MTNAP1: variants seen among roughly 807,000 people sequenced by gnomAD.
MTNAP1 encodes mitochondrial nucleoid-associated protein 1.
the MTNAP1 span, among the ~76,000 whole-genome samples, chr17:73,246,493 G>A: frequency 6.6e-6 from 1 of 152,214 alleles, no homozygotes; most frequent in East Asian, 1.9e-4. Context: ...CTGAGATTGT[G>A]CCATTGCATT....
the MTNAP1 span, chr17:73,236,151 G>A: frequency 6.2e-7 from 1 of 1,614,090 alleles, no homozygotes; most frequent in Non-Finnish European, 8.5e-7. Context: ...TACTAGATGT[G>A]CCTACTGGTG....
At chr17:73,248,469 T>C in the MTNAP1 span, 252 of 1,550,878 alleles carry the variant, frequency 1.6e-4, 1 homozygote, top group African/African-American at 2.9e-3. Context: ...GGCATTGGAG[T>C]GCCCCGCTAG....
the MTNAP1 span, chr17:73,236,559 G>A: frequency 2.5e-6 from 4 of 1,614,022 alleles, no homozygotes; most frequent in African/African-American, 4.0e-5. Context: ...TCATTCCGAG[G>A]GAGACGACTT....
the MTNAP1 span, chr17:73,236,498 A>T: frequency 6.2e-7 from 1 of 1,614,240 alleles, no homozygotes; most frequent in Admixed American, 1.7e-5. Context: ...AACACCAGGG[A>T]TTCAGTCACA....
chr17:73,247,533 G>T, the MTNAP1 span: 2 of 546,162 alleles, frequency 3.7e-6, no homozygotes, highest in Non-Finnish European at 6.5e-6. Context: ...CATAATCAGG[G>T]TGCTGAAACA....
At chr17:73,244,676 C>G in the MTNAP1 span, 1 of 151,466 alleles carries the variant, frequency 6.6e-6, no homozygotes, top group Non-Finnish European at 1.5e-5. Flanking sequence ...ATTCTGAAGG[C>G]CAGCATAATT....
At chr17:73,248,251 A>G in the MTNAP1 span, 4 of 495,170 alleles carry the variant, frequency 8.1e-6, no homozygotes, top group Non-Finnish European at 1.4e-5. Context: ...GACTCCTCAG[A>G]ACGAATAGTA....
the MTNAP1 span, chr17:73,236,908 G>C: frequency 6.2e-7 from 1 of 1,613,962 alleles, no homozygotes; most frequent in African/African-American, 1.3e-5. Context: ...CCTTGGACTA[G>C]GGGTGTTGCC....
the MTNAP1 span, among the ~76,000 whole-genome samples, chr17:73,242,628 CA>C: frequency 6.6e-6 from 1 of 152,150 alleles, no homozygotes; most frequent in Non-Finnish European, 1.5e-5. Context: ...CTCCCAAAGC[CA>C]GAAAAACTCT....
the MTNAP1 span, chr17:73,248,503 G>A: frequency 3.2e-6 from 5 of 1,551,570 alleles, no homozygotes; most frequent in East Asian, 1.2e-4. Flanking sequence ...CTTAGATCTT[G>A]CTTCCAGGCA....
the MTNAP1 span, among the ~76,000 whole-genome samples, chr17:73,243,382 G>A: frequency 3.3e-5 from 5 of 152,052 alleles, no homozygotes; most frequent in South Asian, 2.1e-4. Flanking sequence ...TCGAACTGCC[G>A]ACCTCAGGTG....
At chr17:73,242,164 G>T in the MTNAP1 span, 3 of 890,458 alleles carry the variant, frequency 3.4e-6, no homozygotes, top group Admixed American at 2.6e-5. Flanking sequence ...AGGCTTAGCC[G>T]TGGATCCTTC....
At chr17:73,235,589 C>G in the MTNAP1 span, 4 of 1,614,000 alleles carry the variant, frequency 2.5e-6, no homozygotes, top group African/African-American at 4.0e-5. Context: ...CCAACCATAC[C>G]TACTGATCAA....
At chr17:73,248,467 A>G in the MTNAP1 span, 3 of 1,550,334 alleles carry the variant, frequency 1.9e-6, no homozygotes, top group Non-Finnish European at 2.6e-6. Context: ...GTGGCATTGG[A>G]GTGCCCCGCT....
chr17:73,236,439 A>G, the MTNAP1 span: 1 of 1,614,218 alleles, frequency 6.2e-7, no homozygotes. Flanking sequence ...GTATGTCTGC[A>G]ACAGAAAAGC....
chr17:73,246,801 A>G, the MTNAP1 span, among the ~76,000 whole-genome samples: 1 of 152,170 alleles, frequency 6.6e-6, no homozygotes, highest in Non-Finnish European at 1.5e-5. Flanking sequence ...TTCTACATTC[A>G]GTTATTTTAG....
the MTNAP1 span, chr17:73,236,192 A>T: frequency 6.2e-7 from 1 of 1,614,072 alleles, no homozygotes; most frequent in Admixed American, 1.7e-5. Flanking sequence ...AATGTCAGTG[A>T]TGGGGTTAAA....
chr17:73,233,827 C>G, the MTNAP1 span, among the ~76,000 whole-genome samples: 2 of 151,756 alleles, frequency 1.3e-5, no homozygotes, highest in Admixed American at 6.6e-5. Flanking sequence ...GAGCCGAGAT[C>G]GCGCCACTGC....
the MTNAP1 span, chr17:73,248,072 C>T: frequency 6.1e-6 from 1 of 163,252 alleles, no homozygotes; most frequent in African/African-American, 2.4e-5. Context: ...ACAAACTCAG[C>T]ATGACGAGGA....
Sources: allele counts gnomAD v4.1 joint callset (sites outside exome capture counted in the v4.1 genomes callset), GRCh38; gene constraint gnomAD v4.1.1; transcripts MANE v1.5; gene names NCBI Gene and HGNC (gene_info 2026-07-23, HGNC 2026-07-21).